CCDC141: variants seen among roughly 807,000 people sequenced by gnomAD.
CCDC141 encodes coiled-coil domain-containing protein 141.
CCDC141 carries 168 observed loss-of-function variants against 181.0 expected under a neutral mutation model. That is an observed-to-expected ratio of 0.93 (90% CI 0.82 to 1.05). The LOEUF (loss-of-function observed/expected upper bound fraction) is 1.05. Among genes scored for constraint, CCDC141 ranks in the 50% least tolerant of loss-of-function variants. The pLI is 0.00. For missense variants in CCDC141, 1,902 were observed against 1,788.5 expected, an observed-to-expected ratio of 1.06 and a Z score of -1.14; for synonymous variants, 666 against 642.3, an observed-to-expected ratio of 1.04 and a Z score of -0.56.
Position 178,855,375 on chromosome 2 carries a change from G to A in CCDC141, c.3032C>T (p.Thr1011Ile). Residue 1011 changes from threonine to isoleucine, a missense_variant, in exon 19 of 24, where the codon ACT becomes ATT. Thr to Ile is a moderately conservative substitution (Grantham distance 89). Transcript: ENST00000443758. ...TTCTATCACCTCCTGGAAATGCTCA[G>A]TCAGGTCCAAATTCTTCTTGTAATC... ...VTDYKKNLDL[T>I]EHFQEVIEEC... 6.2e-7 allele frequency: 1 copy of A among 1,611,668 alleles called. No homozygotes were observed. Among genetic ancestry groups the A allele is most frequent in the African/African-American group, 1.3e-5 (1 of 74,942 alleles).
the CCDC141 span, among the ~76,000 whole-genome samples, chr2:178,823,946 G>A: frequency 1.2e-4 from 18 of 152,094 alleles, no homozygotes; most frequent in Middle Eastern, 3.4e-3. Context: ...TAGGCCATAA[G>A]TTGCTAATGG....
intron 2 of CCDC141, among the ~76,000 whole-genome samples, chr2:179,014,763 A>T (rs2042377896): frequency 6.6e-6 from 1 of 151,946 alleles, no homozygotes; most frequent in African/African-American, 2.4e-5. Context: ...CAAAAAAATC[A>T]AAAAACAGTA....
intron 15 of CCDC141, 125 bp downstream of exon 15, chr2:178,868,992 G>A: frequency 1.7e-6 from 1 of 584,906 alleles, no homozygotes; most frequent in Non-Finnish European, 2.7e-6. Context: ...AAAAGATAGG[G>A]GCCAGATTGT....
intron 5 of CCDC141, among the ~76,000 whole-genome samples, chr2:178,955,644 GT>G (rs1025619177): frequency 1.3e-5 from 2 of 151,792 alleles, no homozygotes; most frequent in African/African-American, 4.8e-5. Flanking sequence ...TGTTTGTTTA[GT>G]TTTTTTTAAT....
intron 8 of CCDC141, among the ~76,000 whole-genome samples, chr2:178,891,354 T>C (rs1051644807): frequency 6.6e-6 from 1 of 152,118 alleles, no homozygotes; most frequent in African/African-American, 2.4e-5. Context: ...ACAGAGACAG[T>C]CTCAGTAACT....
chr2:179,024,822 ATGT>A lies in CCDC141; in HGVS notation c.225+22459_225+22461del, dbSNP rs372390880. Among the ~76,000 whole-genome samples the A allele has an allele frequency of 3.5e-3, 526 of 152,096 alleles. 1 individual carries two copies. The highest frequency in any genetic ancestry group is 0.016 in the South Asian group (77 of 4,796). On this transcript the variant is annotated intron_variant, in intron 2 of 23. Transcript: ENST00000443758. ...TTTCAATTCCATTGATGGCACTTTA[ATGT>A]TGTTGTTTAATGGAAAAATGTTTCT...
At chr2:179,037,566 C>T (rs189185699) in intron 2 of CCDC141, among the ~76,000 whole-genome samples, 8 of 152,248 alleles carry the variant, frequency 5.3e-5, no homozygotes, top group Admixed American at 4.6e-4. Flanking sequence ...AAGCAGCCTA[C>T]AGAATGGCAG....
chr2:178,877,929 T>G, intron 12 of CCDC141, 35 bp downstream of exon 12: 1 of 1,565,262 alleles, frequency 6.4e-7, no homozygotes. Context: ...TGAGTATCCC[T>G]GCAGAAGGTG....
intron 21 of CCDC141, among the ~76,000 whole-genome samples, chr2:178,846,296 T>C (rs1437848235): frequency 6.6e-6 from 1 of 152,170 alleles, no homozygotes. Context: ...GGCTCAGTTT[T>C]AGTCATGGAG....
At chr2:178,864,354 C>T (rs6709708) in intron 17 of CCDC141, among the ~76,000 whole-genome samples, 42,005 of 152,136 alleles carry the variant, frequency 0.28, 7,134 homozygotes, top group Non-Finnish European at 0.39. Context: ...GGGAGACCAA[C>T]GTGCTCTGAC....
At chr2:178,865,999 T>A in intron 16 of CCDC141, 83 bp from the exon 17 acceptor site, 1 of 1,091,598 alleles carries the variant, frequency 9.2e-7, no homozygotes, top group Non-Finnish European at 1.2e-6. Context: ...ATTATGAAAC[T>A]CATAAATGAC....
At chr2:178,851,406 T>A (rs2154367188) in intron 20 of CCDC141, among the ~76,000 whole-genome samples, 1 of 152,174 alleles carries the variant, frequency 6.6e-6, no homozygotes, top group South Asian at 2.1e-4. Context: ...TGTAACTGTA[T>A]TTGGAAATGA....
At chr2:179,020,588 G>T (rs774508428) in intron 2 of CCDC141, among the ~76,000 whole-genome samples, 3 of 152,134 alleles carry the variant, frequency 2.0e-5, no homozygotes, top group Admixed American at 1.3e-4. Context: ...TAATCAGAGT[G>T]TGAGTCCCAG....
At chr2:178,854,384 C>T (rs1039486983) in intron 19 of CCDC141, among the ~76,000 whole-genome samples, 1 of 152,074 alleles carries the variant, frequency 6.6e-6, no homozygotes, top group Non-Finnish European at 1.5e-5. Flanking sequence ...AGTAGCCGGG[C>T]GTGGTGGTGG....
At chr2:178,826,115 A>G (rs533991733), downstream of CCDC141, among the ~76,000 whole-genome samples, 6 of 152,254 alleles carry the variant, frequency 3.9e-5, no homozygotes, top group Non-Finnish European at 7.4e-5. Context: ...TAGTTTTCTG[A>G]CAGTTTTTAA....
At chr2:178,826,415 A>G (rs542696236), downstream of CCDC141, among the ~76,000 whole-genome samples, 44 of 152,250 alleles carry the variant, frequency 2.9e-4, no homozygotes, top group South Asian at 8.3e-4. Flanking sequence ...ACCTGGTTTT[A>G]CTATTAGCAT....
Position 178,905,517 on chromosome 2 carries a change from T to C in CCDC141, c.1093-16A>G, listed in dbSNP as rs368883232. 3.9e-6 allele frequency: 6 copies of C among 1,535,750 alleles called. No homozygotes were observed. Among genetic ancestry groups the C allele is most frequent in the East Asian group, 2.5e-5 (1 of 40,764 alleles). On this transcript the variant is annotated splice_polypyrimidine_tract_variant and intron_variant, in intron 7 of 23. Coordinates refer to ENST00000443758, the MANE Select transcript of CCDC141 (RefSeq NM_173648.4). The stretch of plus-strand genomic sequence containing the variant: ...CATCAAATGCCTGCCAAAGAAAACA[T>C]ACTTTTATTTTCTGCTTCTCTAGTT...
At chr2:178,980,850 T>G (rs1691350400) in intron 2 of CCDC141, among the ~76,000 whole-genome samples, 1 of 152,212 alleles carries the variant, frequency 6.6e-6, no homozygotes, top group Admixed American at 6.5e-5. Flanking sequence ...ATACAATTTT[T>G]AGTTGTCAAT....
chr2:178,916,925 C>G (rs1384564973), intron 7 of CCDC141, among the ~76,000 whole-genome samples: 2 of 151,634 alleles, frequency 1.3e-5, no homozygotes, highest in African/African-American at 4.9e-5. Context: ...AGTAACCACT[C>G]TCTTCTTCTT....
Sources: allele counts gnomAD v4.1 joint callset (sites outside exome capture counted in the v4.1 genomes callset), GRCh38; gene constraint gnomAD v4.1.1; transcripts MANE v1.5; gene names NCBI Gene and HGNC (gene_info 2026-07-23, HGNC 2026-07-21).